The following TBC1D5 variants were observed in gnomAD, a reference collection of about 807,000 sequenced individuals.
The protein encoded by TBC1D5 is TBC1 domain family member 5, also known as TBC1 domain family, member 5.
A neutral mutation model predicts 100.3 loss-of-function variants in TBC1D5; 75 were observed. The observed-to-expected ratio is 0.75, with a 90% CI of 0.62 to 0.91. The LOEUF (loss-of-function observed/expected upper bound fraction) is 0.91. Ranked by LOEUF, TBC1D5 falls within the 40% of genes least tolerant of loss-of-function variation. The pLI is 0.00. For missense variants in TBC1D5, 910 were observed against 942.4 expected (o/e 0.97, Z 0.45); for synonymous variants, 323 against 325.6 (o/e 0.99, Z 0.09).
At chr3:17,373,885 G>C (rs1477269331) in intron 12 of TBC1D5, among the ~76,000 whole-genome samples, 1 of 152,060 alleles carries the variant, frequency 6.6e-6, no homozygotes, top group Non-Finnish European at 1.5e-5. Context: ...TGGACATGCA[G>C]TTTTCTTTTT....
At position 17,705,686 on chromosome 3, in the gene TBC1D5, T is replaced by G. The variant is rs1405999042; in HGVS notation, c.-101+33657A>C. On this transcript the variant is annotated intron_variant, in intron 1 of 21. Transcript: ENST00000253692. ...AGAGACGCTCCTCACTTCCTAGATG[T>G]GATGGCGGCTGGGAAGAGGCGCTCC... 1.5e-4 allele frequency among the ~76,000 whole-genome samples: 18 copies of G among 117,066 alleles called. No individual in the cohort carries two copies. In the East Asian group the frequency reaches 3.9e-3, roughly 26 times the overall value. The allele number at this position is 117,066 out of a possible 152,430, so 76.8% of individuals were successfully genotyped here.
intron 3 of TBC1D5, among the ~76,000 whole-genome samples, chr3:17,495,041 G>A (rs9843254): frequency 1.1e-3 from 165 of 152,312 alleles, no homozygotes; most frequent in African/African-American, 3.8e-3. Context: ...GCGGCTCCCG[G>A]GTGGCCCCTT....
chr3:17,717,980 A>C (rs1267209749), intron 1 of TBC1D5, among the ~76,000 whole-genome samples: 1 of 152,166 alleles, frequency 6.6e-6, no homozygotes, highest in Non-Finnish European at 1.5e-5. Context: ...CTACTAAGAG[A>C]GTGCTGAAAT....
chr3:17,158,826 C>T (rs1202665382), exon 22 of TBC1D5: 1 of 152,256 alleles, frequency 6.6e-6, no homozygotes, highest in Non-Finnish European at 1.5e-5. Context: ...TACTAGAGGT[C>T]AGCAGGTGAC....
chr3:17,589,906 A>G (rs770825323), intron 2 of TBC1D5, among the ~76,000 whole-genome samples: 70 of 152,208 alleles, frequency 4.6e-4, no homozygotes, highest in African/African-American at 1.6e-3. Flanking sequence ...ATTTTAAAAT[A>G]TGGGGAGAAG....
intron 21 of TBC1D5, 114 bp from the exon 23 acceptor site, chr3:17,161,370 A>G (rs2125002307): frequency 7.5e-6 from 9 of 1,203,836 alleles, no homozygotes; most frequent in Non-Finnish European, 1.0e-5. Context: ...ACCTCACCCT[A>G]CATTCGACCT....
chr3:17,411,232 T>A (rs1224964517), intron 4 of TBC1D5, among the ~76,000 whole-genome samples: 1 of 152,108 alleles, frequency 6.6e-6, no homozygotes, highest in African/African-American at 2.4e-5. Flanking sequence ...AAGGTATTTT[T>A]AATTAAGGTT....
chr3:17,198,927 G>A (rs1239488650), intron 18 of TBC1D5, among the ~76,000 whole-genome samples: 9 of 152,274 alleles, frequency 5.9e-5, no homozygotes, highest in African/African-American at 1.9e-4. Context: ...ACGTATGGTC[G>A]GGAATGGGAA....
chr3:17,335,169 G>A (rs2087516685), intron 13 of TBC1D5, among the ~76,000 whole-genome samples: 1 of 152,048 alleles, frequency 6.6e-6, no homozygotes, highest in African/African-American at 2.4e-5. Flanking sequence ...ATCTTAACAA[G>A]TTATGGTCTT....
intron 3 of TBC1D5, among the ~76,000 whole-genome samples, chr3:17,441,718 G>C (rs952002415): frequency 3.9e-5 from 6 of 152,238 alleles, no homozygotes; most frequent in African/African-American, 1.2e-4. Flanking sequence ...TTCTAAACAG[G>C]TATGCTTTGA....
intron 1 of TBC1D5, among the ~76,000 whole-genome samples, chr3:17,725,265 G>A (rs1397158324): frequency 6.6e-6 from 1 of 152,106 alleles, no homozygotes; most frequent in Non-Finnish European, 1.5e-5. Context: ...CTTTCTGTGA[G>A]GCATCTAAAA....
At chr3:17,446,358 A>G (rs1174199353) in intron 3 of TBC1D5, among the ~76,000 whole-genome samples, 9 of 152,196 alleles carry the variant, frequency 5.9e-5, no homozygotes. Context: ...TTCTTGAGAT[A>G]TTAAGGTGAC....
chr3:17,531,147 A>G (rs1032859471), intron 2 of TBC1D5, among the ~76,000 whole-genome samples: 1 of 152,246 alleles, frequency 6.6e-6, no homozygotes, highest in Non-Finnish European at 1.5e-5. Flanking sequence ...CTCAGGATAC[A>G]AAATCAATGT....
chr3:17,184,253 C>A lies in TBC1D5; in HGVS notation c.1852+856G>T, dbSNP rs548321264. On this transcript the variant is annotated intron_variant, in intron 19 of 21. Coordinates refer to ENST00000253692, the Ensembl canonical transcript of TBC1D5. ...ACCCACATGCAAAATGAACTTCAAA[C>A]TGGGACATTTCTTAGAATATAAGCA... is the stretch of plus-strand genomic sequence containing the variant. Among the ~76,000 whole-genome samples the A allele has an allele frequency of 3.9e-5, 6 of 152,260 alleles. No homozygotes were observed. The South Asian group carries it at 1.2e-3, about 32-fold the overall frequency.
chr3:17,284,111 C>CACACACACACACACACACACAT lies in TBC1D5; in HGVS notation c.1245+7783_1245+7784insATGTGTGTGTGTGTGTGTGTGT, dbSNP rs1457430013. On this transcript the variant is annotated intron_variant, in intron 15 of 21. Coordinates refer to ENST00000253692, the Ensembl canonical transcript of TBC1D5. ...TTTTACACACACACACACACACACA[C>CACACACACACACACACACACAT]ACACACACACACGTATTTTTAATTT... Among the ~76,000 whole-genome samples the CACACACACACACACACACACAT allele has an allele frequency of 7.1e-4, 107 of 150,974 alleles. 1 individual carries two copies. The highest frequency in any genetic ancestry group is 3.4e-3 in the Middle Eastern group (1 of 294).
intron 18 of TBC1D5, among the ~76,000 whole-genome samples, chr3:17,197,933 A>G (rs1397933031): frequency 6.6e-6 from 1 of 152,084 alleles, no homozygotes; most frequent in African/African-American, 2.4e-5. Context: ...GCTACTTGGG[A>G]GGCAGAAGGG....
chr3:17,162,930 C>A (rs1383052684), intron 21 of TBC1D5, among the ~76,000 whole-genome samples: 1 of 152,140 alleles, frequency 6.6e-6, no homozygotes, highest in Non-Finnish European at 1.5e-5. Flanking sequence ...GACCTCTCAC[C>A]ACAACACAGG....
chr3:17,664,441 A>G (rs1472881016), intron 1 of TBC1D5, among the ~76,000 whole-genome samples: 1 of 152,228 alleles, frequency 6.6e-6, no homozygotes, highest in Non-Finnish European at 1.5e-5. Flanking sequence ...AGATCTCGAT[A>G]CCAAAGGCCA....
chr3:17,164,436 G>T (rs57736694), intron 21 of TBC1D5, among the ~76,000 whole-genome samples: 10,472 of 152,274 alleles, frequency 0.069, 647 homozygotes, highest in African/African-American at 0.17. Context: ...TCTCCAATGT[G>T]TCAAGAACCT....
Sources: allele counts gnomAD v4.1 joint callset (sites outside exome capture counted in the v4.1 genomes callset), GRCh38; gene constraint gnomAD v4.1.1; transcripts MANE v1.5; gene names NCBI Gene and HGNC (gene_info 2026-07-23, HGNC 2026-07-21).